Variants in ST18 observed in about 807,000 individuals in gnomAD.
The protein encoded by ST18 is ST18 C2H2C-type zinc finger transcription factor.
A neutral mutation model predicts 110.0 loss-of-function variants in ST18; 50 were observed. The observed-to-expected ratio is 0.45, with a 90% confidence interval of 0.36 to 0.58. The LOEUF (loss-of-function observed/expected upper bound fraction) is 0.58, where lower values mean the gene tolerates loss of function less well. ST18 is among the 20% of genes least tolerant of loss of function. The pLI is 0.00. For synonymous variants in ST18, 461 were observed against 452.4 expected (o/e 1.02, Z -0.24); for missense variants, 1,306 against 1,280.1 (o/e 1.02, Z -0.31).
chr8:52,303,138 A>G (rs2095756246), intron 2 of ST18, among the ~76,000 whole-genome samples: 2 of 152,240 alleles, frequency 1.3e-5, no homozygotes, highest in Admixed American at 6.5e-5. Context: ...TTAAAATGAC[A>G]CAGATTTATT....
intron 2 of ST18, among the ~76,000 whole-genome samples, chr8:52,259,414 A>G (rs1213408939): frequency 6.6e-6 from 1 of 152,184 alleles, no homozygotes; most frequent in Admixed American, 6.5e-5. Flanking sequence ...TGCAATATTT[A>G]ATCTCTACAT....
intron 8 of ST18, among the ~76,000 whole-genome samples, chr8:52,187,073 T>C (rs1054595547): frequency 6.6e-6 from 1 of 152,228 alleles, no homozygotes; most frequent in Admixed American, 6.5e-5. Context: ...CAGGTCCATT[T>C]GCAGCCTGGT....
chr8:52,312,332 G>C lies in ST18; in HGVS notation c.-464-82255C>G, dbSNP rs569374495. 1.7e-4 allele frequency among the ~76,000 whole-genome samples: 26 copies of C among 152,314 alleles called. No homozygotes were observed. In the South Asian group the frequency reaches 5.0e-3, roughly 29 times the overall value. ...CTGTTGCAAGGAGGGCTGTTAACAG[G>C]CTGCCTCCAGTAGTTAATGCCTTCA... is the stretch of plus-strand genomic sequence containing the variant. On this transcript the variant is annotated intron_variant, in intron 2 of 25. Coordinates refer to ENST00000689386, the MANE Select transcript of ST18 (RefSeq NM_001352837.2).
intron 2 of ST18, among the ~76,000 whole-genome samples, chr8:52,315,018 A>G (rs987796088): frequency 2.6e-5 from 4 of 152,220 alleles, no homozygotes; most frequent in Admixed American, 6.5e-5. Context: ...ATCACTCTTC[A>G]TAAAACTGAA....
intron 17 of ST18, 184 bp from the exon 18 acceptor site, chr8:52,137,667 A>G: frequency 1.9e-6 from 1 of 522,424 alleles, no homozygotes; most frequent in African/African-American, 1.9e-5. Flanking sequence ...CTGAAAGAAA[A>G]CTAAAAATCA....
intron 8 of ST18, among the ~76,000 whole-genome samples, chr8:52,182,895 T>A (rs1335587679): frequency 6.6e-6 from 1 of 152,074 alleles, no homozygotes; most frequent in African/African-American, 2.4e-5. Flanking sequence ...AATAAAAAAA[T>A]TGGTCATTAA....
chr8:52,226,998 A>AG (rs1295546972), intron 3 of ST18, among the ~76,000 whole-genome samples: 3 of 152,186 alleles, frequency 2.0e-5, no homozygotes, highest in Non-Finnish European at 4.4e-5. Flanking sequence ...CATATTTTGT[A>AG]CATTTGAATT....
chr8:52,123,711 AT>A (rs1225560642), intron 23 of ST18, among the ~76,000 whole-genome samples: 4 of 152,210 alleles, frequency 2.6e-5, no homozygotes, highest in Non-Finnish European at 5.9e-5. Flanking sequence ...TGCTAGACAT[AT>A]AGGGACCCTT....
intron 2 of ST18, among the ~76,000 whole-genome samples, chr8:52,308,671 A>G (rs1003775516): frequency 4.6e-5 from 7 of 152,146 alleles, no homozygotes; most frequent in African/African-American, 1.7e-4. Context: ...GTGTCCAGGG[A>G]GGTGAGTGGG....
chr8:52,372,953 T>C (rs888094856), intron 2 of ST18, among the ~76,000 whole-genome samples: 1 of 152,242 alleles, frequency 6.6e-6, no homozygotes, highest in Non-Finnish European at 1.5e-5. Context: ...ATTATAAGTA[T>C]TTTTTAAAAC....
At chr8:52,374,960 C>G (rs921975266) in intron 2 of ST18, among the ~76,000 whole-genome samples, 6 of 152,306 alleles carry the variant, frequency 3.9e-5, no homozygotes, top group Admixed American at 2.0e-4. Flanking sequence ...AGACTCCACT[C>G]GTGCACTTAC....
intron 8 of ST18, among the ~76,000 whole-genome samples, chr8:52,192,720 C>A (rs891321527): frequency 3.3e-5 from 5 of 152,230 alleles, no homozygotes; most frequent in Non-Finnish European, 5.9e-5. Flanking sequence ...ACCATAATTT[C>A]CAGTGACTAC....
Position 52,164,040 on chromosome 8 carries a change from T to A in ST18, c.1346A>T (p.Asp449Val). Residue 449 changes from aspartate (D) to valine (V), a missense_variant, in exon 13 of 26, where the codon GAT (aspartate) becomes GTT (valine). Transcript: ENST00000689386. Reference protein sequence around the residue: ...AAAEKLAMSQDKNQLDSPQTG... With the variant: ...AAAEKLAMSQVKNQLDSPQTG... Reference sequence around the variant, plus strand: ...TTGGGGAGAATCAAGCTGATTTTTATCCTGGGACATTGCCAATTTTTCAGC... The same window carrying A: ...TTGGGGAGAATCAAGCTGATTTTTAACCTGGGACATTGCCAATTTTTCAGC... 2 of 1,614,162 alleles carry A rather than the reference T, an allele frequency of 1.2e-6. No individual in the cohort carries two copies. The highest frequency in any genetic ancestry group is 1.7e-6 in the Non-Finnish European group (2 of 1,180,018).
Position 52,172,307 on chromosome 8 carries a change from G to A in ST18, c.554C>T (p.Pro185Leu), listed in dbSNP as rs143603516. The A allele has an allele frequency of 6.2e-7, 1 of 1,614,134 alleles. No individual in the cohort carries two copies. Among genetic ancestry groups the A allele is most frequent in the Non-Finnish European group, 8.5e-7 (1 of 1,180,038 alleles). ...GRDKIDDSQP[P>L]FCSSDDNESN... is the part of the protein sequence containing the mutation. ...TTCATTGTCATCAGAGGAGCAGAAG[G>A]GTGGCTGAGAATCATCAATCTTGTC... Residue 185 changes from proline (P) to leucine (L), a missense_variant, in exon 10 of 26, where the codon CCC (proline) becomes CTC (leucine). Physicochemically the swap from Pro to Leu is moderately conservative, Grantham distance 98. Coordinates refer to ENST00000689386, the MANE Select transcript of ST18 (RefSeq NM_001352837.2).
intron 2 of ST18, among the ~76,000 whole-genome samples, chr8:52,385,592 C>T (rs1000820649): frequency 2.0e-4 from 14 of 71,530 alleles, no homozygotes; most frequent in African/African-American, 3.8e-4. Context: ...AGCAAGACTC[C>T]GACTCAAAAA....
chr8:52,147,656 G>A (rs560754363), intron 16 of ST18, among the ~76,000 whole-genome samples: 2 of 151,812 alleles, frequency 1.3e-5, no homozygotes, highest in Admixed American at 6.6e-5. Context: ...GAACATGTTG[G>A]GATTTTGAAC....
intron 15 of ST18, among the ~76,000 whole-genome samples, chr8:52,158,669 C>T (rs530403145): frequency 3.3e-5 from 5 of 152,258 alleles, no homozygotes; most frequent in African/African-American, 9.6e-5. Context: ...ACTTTGGTAC[C>T]CCAACTTCAA....
intron 2 of ST18, chr8:52,248,411 T>G (rs2094025276): frequency 6.6e-6 from 1 of 152,178 alleles, no homozygotes; most frequent in Admixed American, 6.5e-5. Flanking sequence ...CGATGAGACC[T>G]TCAGAGTTTA....
At chr8:52,189,620 A>G (rs1017623459) in intron 8 of ST18, among the ~76,000 whole-genome samples, 2 of 152,178 alleles carry the variant, frequency 1.3e-5, no homozygotes, top group African/African-American at 4.8e-5. Flanking sequence ...AGGTCTCCCT[A>G]GTCTCTTTTC....
Sources: gnomAD v4.1 joint callset for allele counts (sites outside exome capture counted in the v4.1 genomes callset) on GRCh38, gnomAD v4.1.1 for gene constraint, MANE v1.5 for transcripts, NCBI Gene and HGNC (gene_info 2026-07-23, HGNC 2026-07-21) for gene names.